The following RAPGEF6 variants were observed in gnomAD, a reference collection of about 807,000 sequenced individuals.
RAPGEF6 encodes Rap guanine nucleotide exchange factor 6.
RAPGEF6 carries 56 observed loss-of-function variants against 171.4 expected under a neutral mutation model. That is an observed-to-expected ratio of 0.33 (90% confidence interval 0.26 to 0.41). The LOEUF (loss-of-function observed/expected upper bound fraction) is 0.41, where lower values mean the gene tolerates loss of function less well. Among genes scored for constraint, RAPGEF6 ranks in the 10% least tolerant of loss-of-function variants. The pLI is 1.00. For synonymous variants in RAPGEF6, 692 were observed against 650.1 expected (o/e 1.06, Z -0.98); for missense variants, 1,674 against 1,921.4 (o/e 0.87, Z 2.41).
At chr5:131,476,941 C>T (rs527701082) in intron 16 of RAPGEF6, among the ~76,000 whole-genome samples, 1 of 152,254 alleles carries the variant, frequency 6.6e-6, no homozygotes, top group Non-Finnish European at 1.5e-5. Flanking sequence ...CCTGACCATT[C>T]TTTTTGTCAA....
chr5:131,625,376 G>A (rs1272485577), intron 1 of RAPGEF6, among the ~76,000 whole-genome samples: 1 of 152,166 alleles, frequency 6.6e-6, no homozygotes, highest in Non-Finnish European at 1.5e-5. Context: ...TCTGGGGGAG[G>A]AGGAGAAATT....
chr5:131,445,567 G>A (rs772589189), intron 22 of RAPGEF6, among the ~76,000 whole-genome samples: 1 of 151,298 alleles, frequency 6.6e-6, no homozygotes, highest in Non-Finnish European at 1.5e-5. Context: ...AACCCACTGC[G>A]TGTGTCTGTG....
chr5:131,558,431 C>A (rs534490365), intron 5 of RAPGEF6, among the ~76,000 whole-genome samples: 2 of 152,098 alleles, frequency 1.3e-5, no homozygotes, highest in South Asian at 4.1e-4. Context: ...TGAGACTCAA[C>A]CTTGTCCTTT....
chr5:131,504,328 G>A (rs1001230450), intron 11 of RAPGEF6, among the ~76,000 whole-genome samples: 6 of 152,098 alleles, frequency 3.9e-5, no homozygotes, highest in Admixed American at 2.0e-4. Flanking sequence ...CAGGCATGGT[G>A]GTGCATGCCT....
intron 15 of RAPGEF6, among the ~76,000 whole-genome samples, chr5:131,481,427 A>G (rs1202847490): frequency 6.7e-6 from 1 of 150,346 alleles, no homozygotes; most frequent in Non-Finnish European, 1.5e-5. Context: ...TGGGGTTTCG[A>G]CATGTTGCCC....
chr5:131,576,355 A>T (rs192484596), intron 4 of RAPGEF6, among the ~76,000 whole-genome samples: 181 of 152,346 alleles, frequency 1.2e-3, no homozygotes, highest in Middle Eastern at 3.4e-3. Flanking sequence ...TTATTGCTTT[A>T]ACCCGGGCTC....
intron 4 of RAPGEF6, among the ~76,000 whole-genome samples, chr5:131,579,820 G>A (rs1047280181): frequency 1.3e-5 from 2 of 152,136 alleles, no homozygotes; most frequent in African/African-American, 2.4e-5. Flanking sequence ...AGTTCTCCAC[G>A]TCCCCACTAG....
chr5:131,485,412 G>A (rs1755819831), intron 15 of RAPGEF6, among the ~76,000 whole-genome samples: 2 of 152,174 alleles, frequency 1.3e-5, no homozygotes, highest in African/African-American at 4.8e-5. Context: ...AACTTTAGAT[G>A]GCTGTGAGCA....
chr5:131,548,589 G>A (rs1266046114), intron 5 of RAPGEF6, among the ~76,000 whole-genome samples: 3 of 152,110 alleles, frequency 2.0e-5, no homozygotes, highest in African/African-American at 7.2e-5. Context: ...TTGTTAAAAA[G>A]TAAAACAAGA....
At chr5:131,434,751 A>G (rs563692526) in intron 24 of RAPGEF6, among the ~76,000 whole-genome samples, 33 of 152,348 alleles carry the variant, frequency 2.2e-4, no homozygotes, top group African/African-American at 6.0e-4. Flanking sequence ...CTAGGGACGC[A>G]CTGAGGTGAA....
At chr5:131,573,573 G>A (rs143953982) in intron 4 of RAPGEF6, among the ~76,000 whole-genome samples, 8 of 152,068 alleles carry the variant, frequency 5.3e-5, no homozygotes, top group African/African-American at 1.4e-4. Flanking sequence ...GATACCCACC[G>A]GCTTCATGAG....
At chr5:131,453,780 T>G (rs149354064) in intron 20 of RAPGEF6, among the ~76,000 whole-genome samples, 2 of 152,190 alleles carry the variant, frequency 1.3e-5, no homozygotes, top group Non-Finnish European at 2.9e-5. Context: ...ACAGCACGTA[T>G]AGATTGGACA....
At chr5:131,586,330 G>A (rs1763252058) in intron 4 of RAPGEF6, among the ~76,000 whole-genome samples, 1 of 152,148 alleles carries the variant, frequency 6.6e-6, no homozygotes, top group South Asian at 2.1e-4. Context: ...GGAAAATGAG[G>A]AACAGACCTG....
chr5:131,495,509 G>C, intron 13 of RAPGEF6, 44 bp downstream of exon 13: 1 of 1,476,232 alleles, frequency 6.8e-7, no homozygotes, highest in Non-Finnish European at 9.4e-7. Context: ...GTGTTGAGGG[G>C]GGACCACTAC....
intron 5 of RAPGEF6, among the ~76,000 whole-genome samples, chr5:131,553,868 C>A (rs1425843903): frequency 6.7e-6 from 1 of 149,144 alleles, no homozygotes; most frequent in Non-Finnish European, 1.5e-5. Context: ...ACATACAGCA[C>A]AAAGTCATCA....
intron 22 of RAPGEF6, among the ~76,000 whole-genome samples, chr5:131,444,231 G>A (rs558228221): frequency 3.5e-4 from 54 of 152,190 alleles, no homozygotes; most frequent in Middle Eastern, 3.2e-3. Context: ...ATCAGAGAAT[G>A]TCTTAGAAAG....
At chr5:131,474,762 G>T (rs896606774) in intron 16 of RAPGEF6, among the ~76,000 whole-genome samples, 3 of 152,106 alleles carry the variant, frequency 2.0e-5, no homozygotes, top group African/African-American at 7.2e-5. Flanking sequence ...GGTATTTAAA[G>T]TATACAGAAA....
intron 1 of RAPGEF6, among the ~76,000 whole-genome samples, chr5:131,616,014 C>T (rs1026857043): frequency 1.3e-5 from 2 of 151,810 alleles, no homozygotes; most frequent in African/African-American, 4.8e-5. Context: ...GTAACTGCAA[C>T]AAAATACTGC....
intron 17 of RAPGEF6, among the ~76,000 whole-genome samples, chr5:131,467,538 G>A (rs1172732359): frequency 6.6e-6 from 1 of 152,156 alleles, no homozygotes; most frequent in Non-Finnish European, 1.5e-5. Context: ...CTTGTTAGTA[G>A]GAAAACCACA....
Sources: gnomAD v4.1 joint callset for allele counts (sites outside exome capture counted in the v4.1 genomes callset) on GRCh38, gnomAD v4.1.1 for gene constraint, MANE v1.5 for transcripts, NCBI Gene and HGNC (gene_info 2026-07-23, HGNC 2026-07-21) for gene names.